CTNNA3: variants seen among roughly 807,000 people sequenced by gnomAD.
CTNNA3 encodes catenin alpha-3.
A neutral mutation model predicts 95.7 loss-of-function variants in CTNNA3; 76 were observed. The ratio of observed to expected loss-of-function variants is 0.79; its 90% CI spans 0.66 to 0.96. The LOEUF (loss-of-function observed/expected upper bound fraction) is 0.96, where lower values mean the gene tolerates loss of function less well. CTNNA3 is among the 40% of genes least tolerant of loss of function. The pLI, the probability that CTNNA3 is intolerant of heterozygous loss-of-function variation, is 0.00. For synonymous variants in CTNNA3, 431 were observed against 374.4 expected, an observed-to-expected ratio of 1.15 and a Z score of -1.74; for missense variants, 1,191 against 1,089.8, an observed-to-expected ratio of 1.09 and a Z score of -1.31.
At chr10:67,159,352 C>T (rs537262161) in intron 7 of CTNNA3, among the ~76,000 whole-genome samples, 2 of 152,286 alleles carry the variant, frequency 1.3e-5, no homozygotes, top group South Asian at 2.1e-4. Flanking sequence ...CCTTCTATAA[C>T]TCAGTGTCTG....
intron 7 of CTNNA3, among the ~76,000 whole-genome samples, chr10:66,981,363 C>T (rs1167532366): frequency 6.6e-6 from 1 of 152,216 alleles, no homozygotes; most frequent in Non-Finnish European, 1.5e-5. Flanking sequence ...ACTTCATCAG[C>T]TCACTCAGGC....
At chr10:67,544,141 T>C (rs1326519917) in intron 3 of CTNNA3, among the ~76,000 whole-genome samples, 2 of 152,196 alleles carry the variant, frequency 1.3e-5, no homozygotes, top group Non-Finnish European at 2.9e-5. Context: ...GTTGCTATTG[T>C]AAACTATTGG....
intron 11 of CTNNA3, among the ~76,000 whole-genome samples, chr10:66,490,692 T>C (rs1839893240): frequency 6.6e-6 from 1 of 152,174 alleles, no homozygotes; most frequent in Admixed American, 6.5e-5. Context: ...TGAACTCATG[T>C]GGTAGCAGGG....
intron 5 of CTNNA3, among the ~76,000 whole-genome samples, chr10:67,343,018 T>C (rs915865602): frequency 2.0e-5 from 3 of 152,198 alleles, no homozygotes; most frequent in Non-Finnish European, 2.9e-5. Context: ...AGTGGCACGA[T>C]CTTGGCTCAC....
intron 7 of CTNNA3, among the ~76,000 whole-genome samples, chr10:67,080,755 A>G (rs983057289): frequency 1.3e-5 from 2 of 151,924 alleles, no homozygotes; most frequent in African/African-American, 4.8e-5. Context: ...TAAAAATACA[A>G]AAAATTAGCC....
chr10:66,108,706 T>A (rs552939249), intron 13 of CTNNA3, among the ~76,000 whole-genome samples: 1 of 152,166 alleles, frequency 6.6e-6, no homozygotes, highest in East Asian at 1.9e-4. Flanking sequence ...TTTCCACTCA[T>A]GAAATGGCAC....
upstream of CTNNA3, among the ~76,000 whole-genome samples, chr10:67,698,004 G>A (rs988275258): frequency 4.6e-5 from 7 of 152,192 alleles, no homozygotes; most frequent in African/African-American, 1.2e-4. Flanking sequence ...CTGTGTGATC[G>A]CTGAGGCATG....
chr10:67,718,912 G>A (rs575953001), intron 1 of CTNNA3, among the ~76,000 whole-genome samples: 72 of 152,204 alleles, frequency 4.7e-4, no homozygotes, highest in African/African-American at 1.2e-3. Flanking sequence ...GGTAGAATTC[G>A]GCTGTGAAGA....
At chr10:66,514,035 C>G (rs1840754564) in intron 11 of CTNNA3, among the ~76,000 whole-genome samples, 1 of 152,134 alleles carries the variant, frequency 6.6e-6, no homozygotes, top group East Asian at 1.9e-4. Context: ...TGGTGTGACA[C>G]TTGTTAGTGC....
In CTNNA3 at chr10:67,677,794, T is replaced by TA. The variant is rs1344680425; in HGVS notation, c.-6+18205dup. Among the ~76,000 whole-genome samples, 6 of 152,084 alleles carry TA rather than the reference T, an allele frequency of 3.9e-5. No homozygotes were observed. The East Asian group carries it at 1.2e-3, about 29-fold the overall frequency. On this transcript the variant is annotated intron_variant, in intron 1 of 17. Coordinates refer to ENST00000433211, the MANE Select transcript of CTNNA3 (RefSeq NM_013266.4). ...AAAGCCCCAAAAGAGAAGGCAGACA[T>TA]AAGAAAAACACAGACAGAAGGGTGC...
chr10:67,501,729 A>G lies in CTNNA3; in HGVS notation c.579+20113T>C, dbSNP rs530275157. Reference sequence around the variant, plus strand: ...TCATTAAGTTGATCTTCAATCTCTGATATCTTTTCTTCCGCTTGATCGATT... The same window carrying G: ...TCATTAAGTTGATCTTCAATCTCTGGTATCTTTTCTTCCGCTTGATCGATT... On this transcript the variant is annotated intron_variant, in intron 5 of 17. Transcript: ENST00000433211. Among the ~76,000 whole-genome samples, 14 of 152,110 alleles carry G rather than the reference A, an allele frequency of 9.2e-5. No homozygotes were observed. The East Asian group carries it at 2.3e-3, about 25-fold the overall frequency.
At chr10:66,689,676 G>C (rs943559256) in intron 9 of CTNNA3, among the ~76,000 whole-genome samples, 4 of 152,088 alleles carry the variant, frequency 2.6e-5, no homozygotes, top group Admixed American at 6.6e-5. Context: ...ATTGAATGTT[G>C]CCTCACTCCT....
intron 7 of CTNNA3, among the ~76,000 whole-genome samples, chr10:67,167,713 T>G (rs947169691): frequency 6.6e-5 from 10 of 152,232 alleles, no homozygotes. Context: ...AAATGCCACT[T>G]GCTTATTTTA....
chr10:66,870,886 AC>A (rs1844374667), intron 7 of CTNNA3, among the ~76,000 whole-genome samples: 1 of 152,086 alleles, frequency 6.6e-6, no homozygotes, highest in South Asian at 2.1e-4. Flanking sequence ...TGTTTGGAAC[AC>A]CCTCACCATT....
At chr10:67,318,587 T>C (rs1312342902) in intron 5 of CTNNA3, among the ~76,000 whole-genome samples, 1 of 152,210 alleles carries the variant, frequency 6.6e-6, no homozygotes, top group Non-Finnish European at 1.5e-5. Context: ...CACCTTCATC[T>C]CCATGTTCAC....
chr10:67,313,705 A>G (rs1031804576), intron 5 of CTNNA3, among the ~76,000 whole-genome samples: 5 of 152,222 alleles, frequency 3.3e-5, no homozygotes, highest in Non-Finnish European at 5.9e-5. Flanking sequence ...AGAAAGTCTG[A>G]ACCAAGATAG....
chr10:67,637,729 A>G (rs1010928850), intron 2 of CTNNA3, among the ~76,000 whole-genome samples: 5 of 152,348 alleles, frequency 3.3e-5, no homozygotes, highest in African/African-American at 9.6e-5. Context: ...TAAAGAAAAG[A>G]ATTTTTAACC....
intron 13 of CTNNA3, among the ~76,000 whole-genome samples, chr10:66,160,047 G>A (rs1168142406): frequency 6.6e-6 from 1 of 151,872 alleles, no homozygotes; most frequent in Non-Finnish European, 1.5e-5. Flanking sequence ...TTCTCAGTGA[G>A]GTTATTTGGA....
At chr10:66,657,993 G>C (rs911039161) in intron 9 of CTNNA3, among the ~76,000 whole-genome samples, 3 of 152,184 alleles carry the variant, frequency 2.0e-5, no homozygotes, top group African/African-American at 7.2e-5. Flanking sequence ...GCAGTGAGTA[G>C]CTATAGTGTA....
Sources: allele counts gnomAD v4.1 joint callset (sites outside exome capture counted in the v4.1 genomes callset), GRCh38; gene constraint gnomAD v4.1.1; transcripts MANE v1.5; gene names NCBI Gene and HGNC (gene_info 2026-07-23, HGNC 2026-07-21).